The following MSI2 variants were observed in gnomAD, a reference collection of about 807,000 sequenced individuals.
MSI2 encodes the protein musashi RNA binding protein 2.
MSI2 carries 17 observed loss-of-function variants against 45.6 expected under a neutral mutation model. That is an observed-to-expected ratio of 0.37 (90% CI 0.26 to 0.56). MSI2 has a LOEUF of 0.56. Among genes scored for constraint, MSI2 ranks in the 20% least tolerant of loss-of-function variants. MSI2 has a pLI of 0.77. For missense variants in MSI2, 293 were observed against 444.2 expected, an observed-to-expected ratio of 0.66 and a Z score of 3.06; for synonymous variants, 156 against 158.2, an observed-to-expected ratio of 0.99 and a Z score of 0.11.
At chr17:57,314,641 G>A (rs942811958) in intron 5 of MSI2, among the ~76,000 whole-genome samples, 1 of 143,320 alleles carries the variant, frequency 7.0e-6, no homozygotes, top group Non-Finnish European at 1.5e-5. Flanking sequence ...GCGCGATCTC[G>A]GCTCACTGCA....
At chr17:57,349,773 A>C (rs1387438519) in intron 5 of MSI2, among the ~76,000 whole-genome samples, 1 of 152,266 alleles carries the variant, frequency 6.6e-6, no homozygotes, top group Non-Finnish European at 1.5e-5. Flanking sequence ...AAAAAGAGTT[A>C]ACATTAGTCA....
intron 6 of MSI2, among the ~76,000 whole-genome samples, chr17:57,514,106 A>T (rs1173420284): frequency 6.6e-6 from 1 of 152,184 alleles, no homozygotes; most frequent in East Asian, 1.9e-4. Flanking sequence ...GTTAATTTAT[A>T]TAGGGAAGTG....
At chr17:57,624,440 G>A (rs1374653157) in intron 9 of MSI2, among the ~76,000 whole-genome samples, 2 of 152,188 alleles carry the variant, frequency 1.3e-5, no homozygotes, top group African/African-American at 2.4e-5. Context: ...AAATAAATAC[G>A]AAGGAAGGCG....
intron 6 of MSI2, among the ~76,000 whole-genome samples, chr17:57,487,445 A>G (rs183878782): frequency 2.0e-5 from 3 of 152,288 alleles, no homozygotes; most frequent in Admixed American, 1.3e-4. Context: ...CCCTAGTTGT[A>G]TGTGGTCCCT....
chr17:57,413,473 T>C (rs1001460397), intron 6 of MSI2, among the ~76,000 whole-genome samples: 2 of 151,958 alleles, frequency 1.3e-5, no homozygotes, highest in Non-Finnish European at 2.9e-5. Context: ...TGGATCCTTC[T>C]GATGAACACT....
intron 7 of MSI2, among the ~76,000 whole-genome samples, chr17:57,559,025 G>A (rs1399129245): frequency 1.3e-5 from 2 of 152,108 alleles, no homozygotes; most frequent in African/African-American, 4.8e-5. Flanking sequence ...TGGCACCACT[G>A]CACTCCAGCC....
chr17:57,336,632 A>G lies in MSI2; in HGVS notation c.313-64747A>G, dbSNP rs919519090. Among the ~76,000 whole-genome samples, 9 of 152,322 alleles carry G rather than the reference A, an allele frequency of 5.9e-5. No homozygotes were observed. The East Asian group carries it at 1.7e-3, about 29-fold the overall frequency. ...CTGAATGCATTTAAATAATGTACAT[A>G]TTTAATATGATGGCATTTCATTCTT... is the stretch of plus-strand genomic sequence containing the variant. On this transcript the variant is annotated intron_variant, in intron 5 of 13. Coordinates refer to ENST00000284073, the MANE Select transcript of MSI2 (RefSeq NM_138962.4).
At chr17:57,610,684 A>G (rs1459902446) in intron 8 of MSI2, among the ~76,000 whole-genome samples, 1 of 92,528 alleles carries the variant, frequency 1.1e-5, no homozygotes, top group Non-Finnish European at 2.6e-5. Context: ...CAAGGACAAG[A>G]GTGTTAGCGA....
At chr17:57,554,313 T>C (rs562686916) in intron 7 of MSI2, among the ~76,000 whole-genome samples, 1 of 152,138 alleles carries the variant, frequency 6.6e-6, no homozygotes, top group Non-Finnish European at 1.5e-5. Flanking sequence ...AGTAAATTCA[T>C]AGTTTTATGG....
the MSI2 span, among the ~76,000 whole-genome samples, chr17:57,696,076 T>C: frequency 1.3e-5 from 2 of 152,158 alleles, no homozygotes; most frequent in Non-Finnish European, 1.5e-5. Context: ...AAATAGGAAT[T>C]TGGGGAGACA....
intron 5 of MSI2, among the ~76,000 whole-genome samples, chr17:57,284,482 C>G (rs1219791740): frequency 1.3e-5 from 2 of 152,140 alleles, no homozygotes; most frequent in Non-Finnish European, 2.9e-5. Flanking sequence ...CAAGCTCATT[C>G]CCTACAGCTG....
chr17:57,304,129 C>T lies in MSI2; in HGVS notation c.312+41937C>T, dbSNP rs573264708. On this transcript the variant is annotated intron_variant, in intron 5 of 13. Transcript: ENST00000284073. ...ATCCCAGCACTTTGGGAGGCCGAGG[C>T]GGGTGGATCATGAGGTCAGGAGATT... Among the ~76,000 whole-genome samples, 12 of 152,096 alleles carry T rather than the reference C, an allele frequency of 7.9e-5. No homozygotes were observed. The South Asian group carries it at 1.9e-3, about 24-fold the overall frequency.
chr17:57,291,795 GT>G (rs905433130), intron 5 of MSI2, among the ~76,000 whole-genome samples: 1 of 151,980 alleles, frequency 6.6e-6, no homozygotes, highest in African/African-American at 2.4e-5. Context: ...TATTGAATAG[GT>G]TTTTTTTGAG....
In MSI2 at chr17:57,280,982, AG is replaced by A. The variant is rs1458301405; in HGVS notation, c.312+18791del. Among the ~76,000 whole-genome samples, 1 of 152,064 alleles carries A rather than the reference AG, an allele frequency of 6.6e-6. No individual in the cohort carries two copies. The highest frequency in any genetic ancestry group is 2.4e-5 in the African/African-American group (1 of 41,394). On this transcript the variant is annotated intron_variant, in intron 5 of 13. Transcript: ENST00000284073. The surrounding 1 kb of genome is among the most constrained non-coding windows in gnomAD (Gnocchi z 4.2). Reference sequence around the variant, plus strand: ...TCTGCAATCCAGGGGCTCTCCCGTGAGTTCTGCCCAGGCCAGGGGCCCAAGG... The same window carrying A: ...TCTGCAATCCAGGGGCTCTCCCGTGATTCTGCCCAGGCCAGGGGCCCAAGG...
At chr17:57,330,183 G>A (rs1914124400) in intron 5 of MSI2, among the ~76,000 whole-genome samples, 1 of 151,964 alleles carries the variant, frequency 6.6e-6, no homozygotes, top group African/African-American at 2.4e-5. Context: ...TGTTTTTACT[G>A]TGGTCCTGGG....
intron 5 of MSI2, among the ~76,000 whole-genome samples, chr17:57,350,705 G>A (rs1055652080): frequency 3.3e-5 from 5 of 152,144 alleles, no homozygotes; most frequent in Non-Finnish European, 7.4e-5. Context: ...AGCATCACTT[G>A]GTCTCTGAGC....
At chr17:57,377,062 AG>A (rs1296796039) in intron 5 of MSI2, among the ~76,000 whole-genome samples, 1 of 151,958 alleles carries the variant, frequency 6.6e-6, no homozygotes, top group East Asian at 1.9e-4. Context: ...CTGGGACTAC[AG>A]GCGCCCGCCA....
chr17:57,491,877 T>C (rs549928657), intron 6 of MSI2, among the ~76,000 whole-genome samples: 1 of 152,248 alleles, frequency 6.6e-6, no homozygotes, highest in East Asian at 2.0e-4. Flanking sequence ...GGATGATGAA[T>C]CCACAAGTCT....
At chr17:57,454,858 G>A (rs538103455) in intron 6 of MSI2, among the ~76,000 whole-genome samples, 1 of 152,320 alleles carries the variant, frequency 6.6e-6, no homozygotes, top group South Asian at 2.1e-4. Flanking sequence ...AGAGGTAACA[G>A]CGCAGCCCCT....
Sources: allele counts gnomAD v4.1 joint callset (sites outside exome capture counted in the v4.1 genomes callset), GRCh38; gene constraint gnomAD v4.1.1; non-coding constraint Gnocchi (gnomAD v3.1); transcripts MANE v1.5; gene names NCBI Gene and HGNC (gene_info 2026-07-23, HGNC 2026-07-21).